Variants in DTL observed in about 807,000 individuals in gnomAD.
DTL encodes denticleless E3 ubiquitin protein ligase adapter, also known as denticleless protein homolog.
A neutral mutation model predicts 87.0 loss-of-function variants in DTL; 46 were observed. The observed-to-expected ratio is 0.53, with a 90% CI of 0.42 to 0.68. The LOEUF is 0.68. Among genes scored for constraint, DTL ranks in the 30% least tolerant of loss-of-function variants. The pLI is 0.00. For missense variants in DTL, 737 were observed against 869.4 expected, an observed-to-expected ratio of 0.85 and a Z score of 1.91; for synonymous variants, 308 against 311.2, an observed-to-expected ratio of 0.99 and a Z score of 0.11.
In DTL at chr1:212,100,807, C is replaced by G. The variant is rs1655599139; in HGVS notation, c.1817C>G (p.Thr606Ser). The change falls in exon 14 of 15, where the codon ACC becomes AGC. Residue 606 changes from threonine (T) to serine (S), a missense_variant. Physicochemically the swap from Thr to Ser is moderately conservative, Grantham distance 58. Coordinates refer to ENST00000366991, the MANE Select transcript of DTL (RefSeq NM_016448.4). ...CTTAGTAAGGACTCTCTAGGTCCTA[C>G]CAAATCAAGCAAAATTGAAGGAGCT... ...EDLSKDSLGP[T>S]KSSKIEGAGT... 1.2e-6 allele frequency: 2 copies of G among 1,614,150 alleles called. No individual in the cohort carries two copies. The highest frequency in any genetic ancestry group is 1.3e-5 in the African/African-American group (1 of 75,030).
At chr1:212,042,803 T>G (rs1571938252) in intron 1 of DTL, among the ~76,000 whole-genome samples, 190 bp from the exon 2 acceptor site, 1 of 152,206 alleles carries the variant, frequency 6.6e-6, no homozygotes, top group East Asian at 1.9e-4. Context: ...AAGTTGGAAG[T>G]GCTCTTTCAT....
At chr1:212,057,455 AG>A (rs1422650734) in intron 5 of DTL, among the ~76,000 whole-genome samples, 1 of 152,060 alleles carries the variant, frequency 6.6e-6, no homozygotes, top group Admixed American at 6.5e-5. Context: ...AACAAGCAAA[AG>A]CTGAGGAAAT....
rs1046358707 is a variant in DTL, at chr1:212,103,283, T to C, written c.*343T>C. ...ATGGAGGCAAAAAACAAGTTTCTTG[T>C]TATCCTGAAACTTTCTATGCTCAGT... is the stretch of plus-strand genomic sequence containing the variant. On this transcript the variant is annotated 3_prime_UTR_variant, in exon 15 of 15. Transcript: ENST00000366991. 5 of 157,938 alleles carry C rather than the reference T, an allele frequency of 3.2e-5. No individual in the cohort carries two copies. The highest frequency in any genetic ancestry group is 1.9e-4 in the South Asian group (1 of 5,220). 9.8% of individuals were successfully genotyped at this position (157,938 alleles called of 1,614,324 possible).
chr1:212,090,835 A>G (rs1655260429), intron 13 of DTL, among the ~76,000 whole-genome samples: 1 of 152,246 alleles, frequency 6.6e-6, no homozygotes, highest in South Asian at 2.1e-4. Context: ...AAGAAAAACT[A>G]TCTCCTTTAA....
At chr1:212,090,353 A>C (rs1198569370) in intron 13 of DTL, among the ~76,000 whole-genome samples, 1 of 152,212 alleles carries the variant, frequency 6.6e-6, no homozygotes, top group African/African-American at 2.4e-5. Flanking sequence ...GCCAATCTTT[A>C]TTTATGCTAA....
At chr1:212,079,111 C>G (rs57363886) in intron 12 of DTL, among the ~76,000 whole-genome samples, 2 of 151,898 alleles carry the variant, frequency 1.3e-5, no homozygotes, top group Non-Finnish European at 2.9e-5. Context: ...GTGGATTTCT[C>G]CTTATTGTTA....
intron 14 of DTL, among the ~76,000 whole-genome samples, chr1:212,101,896 A>C (rs1466609408): frequency 6.6e-6 from 1 of 152,212 alleles, no homozygotes; most frequent in Non-Finnish European, 1.5e-5. Flanking sequence ...GGCACCAGTC[A>C]GAGAGAATAA....
intron 5 of DTL, among the ~76,000 whole-genome samples, chr1:212,061,109 C>T (rs1654285632): frequency 6.6e-6 from 1 of 151,756 alleles, no homozygotes; most frequent in Non-Finnish European, 1.5e-5. Flanking sequence ...CAAAGAAATA[C>T]AAAAAAATTA....
Position 212,100,971 on chromosome 1 carries a change from A to C in DTL, c.1981A>C (p.Asn661His). Residue 661 changes from asparagine to histidine, a missense_variant, in exon 14 of 15, where the codon AAC becomes CAC. By Grantham distance (68) the Asn-to-His change is moderately conservative. Coordinates refer to ENST00000366991, the MANE Select transcript of DTL (RefSeq NM_016448.4). ...AGAGAATAGTTCCCCAGAGAATAAA[A>C]ACTGGTTGTTGGCCATGGCAGCCAA... ...GKENSSPENK[N>H]WLLAMAAKRK... 6.2e-7 allele frequency: 1 copy of C among 1,614,126 alleles called. No individual in the cohort carries two copies. Among genetic ancestry groups the C allele is most frequent in the Non-Finnish European group, 8.5e-7 (1 of 1,179,996 alleles).
chr1:212,041,403 C>T (rs1318989679), intron 1 of DTL, among the ~76,000 whole-genome samples: 4 of 149,804 alleles, frequency 2.7e-5, no homozygotes, highest in Non-Finnish European at 5.9e-5. Context: ...TTTTTAATTC[C>T]AAAACGTGTA....
intron 3 of DTL, among the ~76,000 whole-genome samples, chr1:212,046,124 T>C (rs1667802327): frequency 6.6e-6 from 1 of 152,162 alleles, no homozygotes; most frequent in Non-Finnish European, 1.5e-5. Flanking sequence ...AAGATTCCAT[T>C]GTAGAGAATA....
At position 212,062,885 on chromosome 1, in the gene DTL, T is replaced by C. The variant is rs1269972398; in HGVS notation, c.462T>C (p.Ala154=). 14 of 1,612,780 alleles carry C rather than the reference T, an allele frequency of 8.7e-6. No individual in the cohort carries two copies. Among genetic ancestry groups the C allele is most frequent in the Middle Eastern group, 1.7e-4 (1 of 6,054 alleles). Residue 154 remains alanine, a splice_region_variant and synonymous_variant, in exon 6 of 15, where the codon GCT becomes GCC. Transcript: ENST00000366991. ...KSVAFSKFEK[A]VFCTGGRDGN... is the part of the protein sequence containing the mutation. Reference sequence around the variant, plus strand: ...AATAATCTGTTTATTTCCCCACAGCTGTATTCTGTACGGGTGGAAGAGATG... The same window carrying C: ...AATAATCTGTTTATTTCCCCACAGCCGTATTCTGTACGGGTGGAAGAGATG...
rs182729055 is a variant in DTL at position 212,102,442 on chromosome 1, T to G, written c.2095-400T>G. Among the ~76,000 whole-genome samples, 896 of 152,274 alleles carry G rather than the reference T, an allele frequency of 5.9e-3. 10 individuals carry two copies. The highest frequency in any genetic ancestry group is 0.02 in the African/African-American group (843 of 41,558). The stretch of plus-strand genomic sequence containing the variant: ...TTTGAAGCTAACATTTCTTAAAAAT[T>G]TTTTACCTTTATATGATGATAATGT... On this transcript the variant is annotated intron_variant, in intron 14 of 14. Coordinates refer to ENST00000366991, the MANE Select transcript of DTL (RefSeq NM_016448.4).
At chr1:212,069,834 A>G (rs1258251847) in intron 10 of DTL, among the ~76,000 whole-genome samples, 1 of 152,098 alleles carries the variant, frequency 6.6e-6, no homozygotes, top group East Asian at 1.9e-4. Context: ...GTGAGCCACC[A>G]TGCCCGGCCC....
intron 8 of DTL, among the ~76,000 whole-genome samples, chr1:212,067,751 A>G (rs913898312): frequency 5.9e-5 from 9 of 152,236 alleles, no homozygotes; most frequent in Non-Finnish European, 8.8e-5. Context: ...GTAGAGGATT[A>G]AGACAATTAT....
chr1:212,072,733 A>G (rs960167224), intron 11 of DTL, among the ~76,000 whole-genome samples: 3 of 146,604 alleles, frequency 2.0e-5, no homozygotes, highest in African/African-American at 5.0e-5. Context: ...TCAGATTTTT[A>G]TATATTTAAT....
At chr1:212,062,219 T>C (rs1360342191) in intron 5 of DTL, among the ~76,000 whole-genome samples, 2 of 152,220 alleles carry the variant, frequency 1.3e-5, no homozygotes, top group Admixed American at 6.5e-5. Flanking sequence ...GTACAACTAA[T>C]GCAAGTGGAT....
At chr1:212,051,442 CTTTTTTTTTTTT>C (rs958429363) in intron 5 of DTL, 6 of 197,210 alleles carry the variant, frequency 3.0e-5, no homozygotes, top group African/African-American at 1.3e-4. Context: ...ATATGAAATT[CTTTTTTTTTTTT>C]TTTTTTTTTT....
intron 5 of DTL, among the ~76,000 whole-genome samples, chr1:212,058,838 G>T (rs993056880): frequency 6.6e-6 from 1 of 151,872 alleles, no homozygotes; most frequent in Non-Finnish European, 1.5e-5. Flanking sequence ...AATAAAATCA[G>T]AAATGAAAAA....
Sources: gnomAD v4.1 joint callset for allele counts (sites outside exome capture counted in the v4.1 genomes callset) on GRCh38, gnomAD v4.1.1 for gene constraint, MANE v1.5 for transcripts, NCBI Gene and HGNC (gene_info 2026-07-23, HGNC 2026-07-21) for gene names.